Variants in PLA2G4C observed in about 807,000 individuals in gnomAD.
PLA2G4C encodes phospholipase A2 group IVC, also known as cytosolic phospholipase A2 gamma.
Under a neutral mutation model 73.8 loss-of-function variants are expected in PLA2G4C, and 64 were observed. That is an observed-to-expected ratio of 0.87 (90% confidence interval 0.71 to 1.07). The LOEUF (loss-of-function observed/expected upper bound fraction) is 1.07, where lower values mean the gene tolerates loss of function less well. Ranked by LOEUF, PLA2G4C falls within the 50% of genes least tolerant of loss-of-function variation. The pLI, the probability that PLA2G4C is intolerant of heterozygous loss-of-function variation, is 0.00. For missense variants in PLA2G4C, 622 were observed against 665.4 expected (o/e 0.93, Z 0.72); for synonymous variants, 254 against 252.1 (o/e 1.01, Z -0.07).
intron 10 of PLA2G4C, among the ~76,000 whole-genome samples, chr19:48,081,534 G>A (rs1294030056): frequency 4.0e-5 from 6 of 151,836 alleles, no homozygotes; most frequent in Non-Finnish European, 1.5e-5. Context: ...GAGGCAGGTG[G>A]ATCACCTGAG....
At chr19:48,097,544 G>A (rs967037119) in intron 6 of PLA2G4C, among the ~76,000 whole-genome samples, 20 of 151,576 alleles carry the variant, frequency 1.3e-4, no homozygotes, top group African/African-American at 4.6e-4. Flanking sequence ...GAGCCACTGC[G>A]CCCGGCCCCT....
chr19:48,097,258 T>G (rs79529757), intron 6 of PLA2G4C: 1 of 77,008 alleles, frequency 1.3e-5, no homozygotes, highest in Non-Finnish European at 2.8e-5. Context: ...TTTCTTTTTT[T>G]TTTTTTTTTT....
At chr19:48,055,491 G>A (rs1967907582) in intron 14 of PLA2G4C, among the ~76,000 whole-genome samples, 1 of 151,318 alleles carries the variant, frequency 6.6e-6, no homozygotes, top group East Asian at 1.9e-4. Flanking sequence ...TTTGAGCCCA[G>A]GAGCCCAACG....
rs188123005 is a variant in PLA2G4C, at chr19:48,057,011, C to A, written c.1258-1962G>T. ...TGGAGAGCGGGAGGAAGGAGAGGGTCAGCAGAAATAACTAATGGGTACTAG... is the reference window on the plus strand; with the variant it reads ...TGGAGAGCGGGAGGAAGGAGAGGGTAAGCAGAAATAACTAATGGGTACTAG... On this transcript the variant is annotated intron_variant, in intron 14 of 16. Coordinates refer to ENST00000599921, the MANE Select transcript of PLA2G4C (RefSeq NM_003706.3). Among the ~76,000 whole-genome samples, 456 of 151,926 alleles carry A rather than the reference C, an allele frequency of 3.0e-3. 1 individual carries two copies. The highest frequency in any genetic ancestry group is 0.019 in the South Asian group (90 of 4,812).
Position 48,062,119 on chromosome 19 carries a change from T to C in PLA2G4C, c.1136A>G (p.Lys379Arg). 2 of 1,602,742 alleles carry C rather than the reference T, an allele frequency of 1.2e-6. No individual in the cohort carries two copies. The highest frequency in any genetic ancestry group is 1.7e-6 in the Non-Finnish European group (2 of 1,173,990). ...GIRDKIMSSR[K>R]HLHLVDAGLA... ...ACCAGCATCCACCAGGTGGAGGTGC[T>C]TCCGGCTGCTCATTATCTTGTCCCG... Residue 379 changes from lysine (K) to arginine (R), a missense_variant, in exon 14 of 17, where the codon AAG becomes AGG. Physicochemically the swap from Lys to Arg is conservative, Grantham distance 26. Transcript: ENST00000599921.
chr19:48,098,698 G>C (rs1292520828), intron 5 of PLA2G4C, among the ~76,000 whole-genome samples: 1 of 62,342 alleles, frequency 1.6e-5, no homozygotes, highest in Non-Finnish European at 3.0e-5. Context: ...GAGCAAAAAA[G>C]CGAAACCCTA....
chr19:48,059,318 G>T (rs1968080757), intron 14 of PLA2G4C, among the ~76,000 whole-genome samples: 2 of 151,546 alleles, frequency 1.3e-5, no homozygotes, highest in Non-Finnish European at 2.9e-5. Flanking sequence ...CACCCAATTT[G>T]TAGGAAAAAG....
intron 11 of PLA2G4C, among the ~76,000 whole-genome samples, chr19:48,075,825 C>T (rs2030113444): frequency 6.6e-6 from 1 of 152,170 alleles, no homozygotes; most frequent in African/African-American, 2.4e-5. Context: ...GCTCTGTCAC[C>T]AGGCTGGAGT....
Position 48,105,945 on chromosome 19 carries a change from C to CTTTCTTT in PLA2G4C, c.9-502_9-501insAAAGAAA, listed in dbSNP as rs1568457691. Among the ~76,000 whole-genome samples, 8 of 8,346 alleles carry CTTTCTTT rather than the reference C, an allele frequency of 9.6e-4. 1 individual carries two copies. The highest frequency in any genetic ancestry group is 1.5e-3 in the Non-Finnish European group (8 of 5,330). 5.5% of individuals were successfully genotyped at this position (8,346 alleles called of 152,430 possible). A position where few individuals can be genotyped will look rare whatever the true frequency, so the allele number is the denominator to read the frequency against. On this transcript the variant is annotated intron_variant, in intron 2 of 16. Transcript: ENST00000599921. ...TCCCTCCCTCCCTCCCTCCCTCCCT[C>CTTTCTTT]CCTTCTTTCTTTCTTTCTTTCTTTC... is the stretch of plus-strand genomic sequence containing the variant.
chr19:48,105,868 TCCTTCCTTCCC>T (rs2032168967), intron 2 of PLA2G4C, among the ~76,000 whole-genome samples: 1 of 60,840 alleles, frequency 1.6e-5, no homozygotes, highest in Non-Finnish European at 3.5e-5. Flanking sequence ...CCTTCCTCCT[TCCTTCCTTCCC>T]TCCTTCTTTC....
intron 13 of PLA2G4C, among the ~76,000 whole-genome samples, chr19:48,063,053 CT>C (rs1039001374): frequency 6.6e-6 from 1 of 150,956 alleles, no homozygotes; most frequent in East Asian, 1.9e-4. Context: ...TGGTTGCATT[CT>C]TTTTTTTTGA....
chr19:48,053,210 T>C, intron 15 of PLA2G4C, 63 bp from the exon 16 acceptor site: 1 of 1,331,010 alleles, frequency 7.5e-7, no homozygotes. Flanking sequence ...ATTCTGCAGA[T>C]TTTTGTCTAT....
chr19:48,065,179 A>G (rs1019328585), intron 13 of PLA2G4C, among the ~76,000 whole-genome samples: 3 of 151,600 alleles, frequency 2.0e-5, no homozygotes, highest in South Asian at 2.1e-4. Flanking sequence ...GAGATATGAG[A>G]CATCAATCAA....
intron 15 of PLA2G4C, 21 bp downstream of exon 15, chr19:48,054,857 C>G: frequency 4.3e-6 from 7 of 1,612,790 alleles, no homozygotes; most frequent in Non-Finnish European, 5.9e-6. Context: ...GGCTTCTCAC[C>G]TGCTCCTCCC....
At chr19:48,073,987 T>A (rs936333092) in intron 12 of PLA2G4C, among the ~76,000 whole-genome samples, 1 of 152,046 alleles carries the variant, frequency 6.6e-6, no homozygotes, top group Non-Finnish European at 1.5e-5. Flanking sequence ...TAATTTAATT[T>A]AATTTTAAGT....
At chr19:48,055,189 C>A in intron 14 of PLA2G4C, 140 bp from the exon 15 acceptor site, 2 of 723,452 alleles carry the variant, frequency 2.8e-6, no homozygotes, top group East Asian at 2.6e-5. Context: ...TGGACAGGGA[C>A]AACATCTTCT....
At chr19:48,060,000 A>C (rs1050458980) in intron 14 of PLA2G4C, among the ~76,000 whole-genome samples, 3 of 151,502 alleles carry the variant, frequency 2.0e-5, no homozygotes, top group Admixed American at 2.0e-4. Flanking sequence ...CGAACTCCTG[A>C]TCTTCTGATC....
chr19:48,110,637 C>T lies in PLA2G4C; in HGVS notation c.-183G>A, dbSNP rs541991071. On this transcript the variant is annotated 5_prime_UTR_variant, in exon 1 of 17. Coordinates refer to ENST00000599921, the MANE Select transcript of PLA2G4C (RefSeq NM_003706.3). ...CGCGGGTGAAGACTGCGGGGATCCT[C>T]GGTGCCAAAGCTTCTGTGGTCCTCC... The T allele has an allele frequency of 4.7e-6, 3 of 639,754 alleles. No homozygotes were observed. Among genetic ancestry groups the T allele is most frequent in the African/African-American group, 7.5e-5 (2 of 26,524 alleles). 39.6% of individuals were successfully genotyped at this position (639,754 alleles called of 1,614,324 possible). A position where few individuals can be genotyped will look rare whatever the true frequency, so the allele number is the denominator to read the frequency against.
intron 6 of PLA2G4C, chr19:48,097,212 A>G (rs2031624371): frequency 8.4e-6 from 1 of 119,022 alleles, no homozygotes; most frequent in Non-Finnish European, 1.7e-5. Flanking sequence ...CATCCTTCAA[A>G]CATCCCTTAT....
Sources: gnomAD v4.1 joint callset for allele counts (sites outside exome capture counted in the v4.1 genomes callset) on GRCh38, gnomAD v4.1.1 for gene constraint, MANE v1.5 for transcripts, NCBI Gene and HGNC (gene_info 2026-07-23, HGNC 2026-07-21) for gene names.